TLR4: variants seen among roughly 807,000 people sequenced by gnomAD.
The protein encoded by TLR4 is toll like receptor 4, also known as toll-like receptor 4.
TLR4 carries 17 observed loss-of-function variants against 27.4 expected under a neutral mutation model. The observed-to-expected ratio is 0.62, with a 90% CI of 0.42 to 0.93. TLR4 has a LOEUF of 0.93. Ranked by LOEUF, TLR4 falls within the 40% of genes least tolerant of loss-of-function variation. The pLI is 0.00. For missense variants in TLR4, 926 were observed against 962.3 expected, an observed-to-expected ratio of 0.96 and a Z score of 0.50; for synonymous variants, 363 against 365.7, an observed-to-expected ratio of 0.99 and a Z score of 0.08.
intron 1 of TLR4, 57 bp downstream of exon 1, chr9:117,704,622 C>A: frequency 1.4e-6 from 2 of 1,432,352 alleles, no homozygotes; most frequent in South Asian, 2.3e-5. Context: ...CAGAACTTCT[C>A]ACTGTGTGCC....
rs774383090 is a variant in TLR4 at position 117,713,054 on chromosome 9, A to G, written c.926A>G (p.Asn309Ser). ...DIIDLFNCLTNVSSFSLVSVT... is the reference protein window; with the variant it reads ...DIIDLFNCLTSVSSFSLVSVT... ...ATTGACTTATTTAATTGTTTGACAA[A>G]TGTTTCTTCATTTTCCCTGGTGAGT... is the stretch of plus-strand genomic sequence containing the variant. The change falls in exon 3 of 3, where the codon AAT (asparagine) becomes AGT (serine). Residue 309 changes from asparagine (N) to serine (S), a missense_variant. Asn to Ser is a conservative substitution (Grantham distance 46). Transcript: ENST00000355622. The G allele has an allele frequency of 2.5e-6, 4 of 1,614,006 alleles. No homozygotes were observed. Among genetic ancestry groups the G allele is most frequent in the Non-Finnish European group, 3.4e-6 (4 of 1,179,938 alleles).
At position 117,712,959 on chromosome 9, in the gene TLR4, A is replaced by G. The variant is rs764967270; in HGVS notation, c.831A>G (p.Leu277=). The G allele has an allele frequency of 6.2e-7, 1 of 1,614,032 alleles. No individual in the cohort carries two copies. The highest frequency in any genetic ancestry group is 1.3e-5 in the African/African-American group (1 of 74,944). ...GNLEKFDKSA[L]EGLCNLTIEE... ...TGGAAAAGTTTGACAAATCTGCTCT[A>G]GAGGGCCTGTGCAATTTGACCATTG... Residue 277 remains leucine, a synonymous_variant, in exon 3 of 3, where the codon CTA becomes CTG. Transcript: ENST00000355622.
At position 117,724,618 on chromosome 9, in the gene TLR4, T is replaced by G. The variant is rs1829457964; in HGVS notation, c.*9970T>G. ...ATCAGACAGATCTGTGTTCTGATCC[T>G]GTCTTATGGTATCTGTCTTGTTTGT... On this transcript the variant is annotated 3_prime_UTR_variant, in exon 3 of 3. Transcript: ENST00000355622. 6.6e-6 allele frequency: 1 copy of G among 152,196 alleles called. No homozygotes were observed. Among genetic ancestry groups the G allele is most frequent in the Non-Finnish European group, 1.5e-5 (1 of 68,046 alleles). 9.4% of individuals were successfully genotyped at this position (152,196 alleles called of 1,614,324 possible).
In TLR4 at chr9:117,713,963, C is replaced by T. The variant is rs1564266612; in HGVS notation, c.1835C>T (p.Pro612Leu). The change falls in exon 3 of 3, where the codon CCT becomes CTT. Residue 612 changes from proline to leucine, a missense_variant. Coordinates refer to ENST00000355622, the MANE Select transcript of TLR4 (RefSeq NM_138554.5). ...VEVERMECAT[P>L]SDKQGMPVLS... is the part of the protein sequence containing the mutation. ...GTTGAACGAATGGAATGTGCAACAC[C>T]TTCAGATAAGCAGGGCATGCCTGTG... The T allele has an allele frequency of 1.2e-6, 2 of 1,613,996 alleles. No individual in the cohort carries two copies. The highest frequency in any genetic ancestry group is 1.7e-6 in the Non-Finnish European group (2 of 1,180,000).
chr9:117,704,802 G>C (rs895232973), intron 1 of TLR4, among the ~76,000 whole-genome samples: 1 of 152,158 alleles, frequency 6.6e-6, no homozygotes, highest in Non-Finnish European at 1.5e-5. Context: ...ACATAGATCT[G>C]CTTAAGGTCC....
At position 117,713,012 on chromosome 9, in the gene TLR4, A is replaced by G. The variant is rs1486520606; in HGVS notation, c.884A>G (p.Tyr295Cys). 5.6e-6 allele frequency: 9 copies of G among 1,613,952 alleles called. No individual in the cohort carries two copies. The African/African-American group carries it at 9.3e-5, about 17-fold the overall frequency. Residue 295 changes from tyrosine (Y) to cysteine (C), a missense_variant, in exon 3 of 3, where the codon TAC becomes TGC. By Grantham distance (194) the Tyr-to-Cys change is radical. Transcript: ENST00000355622. The stretch of plus-strand genomic sequence containing the variant: ...GAATTCCGATTAGCATACTTAGACT[A>G]CTACCTCGATGATATTATTGACTTA... ...IEEFRLAYLD[Y>C]YLDDIIDLFN...
Position 117,713,219 on chromosome 9 carries a change from G to A in TLR4, c.1091G>A (p.Gly364Glu). The A allele has an allele frequency of 1.9e-6, 3 of 1,613,900 alleles. No individual in the cohort carries two copies. Among genetic ancestry groups the A allele is most frequent in the East Asian group, 2.2e-5 (1 of 44,842 alleles). The change falls in exon 3 of 3, where the codon GGG (glycine) becomes GAG (glutamate). Residue 364 changes from glycine (G) to glutamate (E), a missense_variant. By Grantham distance (98) the Gly-to-Glu change is moderately conservative. Transcript: ENST00000355622. ...CTTACTTTCACTTCCAACAAAGGTGGGAATGCTTTTTCAGAAGTTGATCTA... is the reference window on the plus strand; with the variant it reads ...CTTACTTTCACTTCCAACAAAGGTGAGAATGCTTTTTCAGAAGTTGATCTA... ...KRLTFTSNKG[G>E]NAFSEVDLPS...
chr9:117,708,825 C>T (rs1314645530), intron 2 of TLR4, 96 bp downstream of exon 2: 11 of 1,436,288 alleles, frequency 7.7e-6, no homozygotes, highest in Non-Finnish European at 1.1e-5. Flanking sequence ...GGAGTCTCAT[C>T]TTCATTCACT....
At position 117,712,660 on chromosome 9, in the gene TLR4, G is replaced by C; in HGVS notation, c.532G>C (p.Glu178Gln). ...PEYFSNLTNL[E>Q]HLDLSSNKIQ... Reference sequence around the variant, plus strand: ...GTATTTTTCTAATCTGACCAATCTAGAGCACTTGGACCTTTCCAGCAACAA... The same window carrying C: ...GTATTTTTCTAATCTGACCAATCTACAGCACTTGGACCTTTCCAGCAACAA... The change falls in exon 3 of 3, where the codon GAG becomes CAG. Residue 178 changes from glutamate (E) to glutamine (Q), a missense_variant. Transcript: ENST00000355622. 6.2e-7 allele frequency: 1 copy of C among 1,613,574 alleles called. No homozygotes were observed. Among genetic ancestry groups the C allele is most frequent in the Non-Finnish European group, 8.5e-7 (1 of 1,179,986 alleles).
chr9:117,714,568 G>A lies in TLR4; in HGVS notation c.2440G>A (p.Ala814Thr), dbSNP rs55751501. 2.4e-5 allele frequency: 39 copies of A among 1,613,910 alleles called. No homozygotes were observed. The East Asian group carries it at 8.2e-4, about 34-fold the overall frequency. The change falls in exon 3 of 3, where the codon GCC (alanine) becomes ACC (threonine). Residue 814 changes from alanine (A) to threonine (T), a missense_variant. Coordinates refer to ENST00000355622, the MANE Select transcript of TLR4 (RefSeq NM_138554.5). ...CATCTTCTGGAGACGACTCAGAAAA[G>A]CCCTGCTGGATGGTAAATCATGGAA... is the stretch of plus-strand genomic sequence containing the variant. ...RHIFWRRLRK[A>T]LLDGKSWNPE...
intron 1 of TLR4, among the ~76,000 whole-genome samples, chr9:117,704,847 A>G (rs1293052614): frequency 2.6e-5 from 4 of 152,320 alleles, no homozygotes; most frequent in South Asian, 2.1e-4. Context: ...TGAAGAAATT[A>G]TCAAACCTGT....
At chr9:117,704,651 C>CAA (rs5900307) in intron 1 of TLR4, 86 bp downstream of exon 1, 30,980 of 818,764 alleles carry the variant, frequency 0.038, 161 homozygotes, top group Middle Eastern at 0.045. Flanking sequence ...TTTATTTTTG[C>CAA]AAAAAAAAAA....
chr9:117,718,007 A>G lies in TLR4; in HGVS notation c.*3359A>G, dbSNP rs1814207363. ...GTGGAATAAGGATAAATTAATGCCA[A>G]TTGTAATGCCTTAAATTTGTGTGAT... On this transcript the variant is annotated 3_prime_UTR_variant, in exon 3 of 3. Coordinates refer to ENST00000355622, the MANE Select transcript of TLR4 (RefSeq NM_138554.5). 6.6e-6 allele frequency: 1 copy of G among 152,212 alleles called. No individual in the cohort carries two copies. The highest frequency in any genetic ancestry group is 6.5e-5 in the Admixed American group (1 of 15,288). 9.4% of individuals were successfully genotyped at this position (152,212 alleles called of 1,614,324 possible). A position where few individuals can be genotyped will look rare whatever the true frequency, so the allele number is the denominator to read the frequency against.
chr9:117,707,594 G>T (rs1564263086), intron 1 of TLR4, among the ~76,000 whole-genome samples: 1 of 152,202 alleles, frequency 6.6e-6, no homozygotes, highest in African/African-American at 2.4e-5. Flanking sequence ...TCAGAAATTA[G>T]ATGGGAGCGT....
At chr9:117,707,408 G>A (rs1415042749) in intron 1 of TLR4, among the ~76,000 whole-genome samples, 1 of 152,178 alleles carries the variant, frequency 6.6e-6, no homozygotes, top group Non-Finnish European at 1.5e-5. Context: ...ATTAATGATA[G>A]ATGATAATAA....
Position 117,723,848 on chromosome 9 carries a change from A to G in TLR4, c.*9200A>G, listed in dbSNP as rs2131182822. Reference sequence around the variant, plus strand: ...TTGCAATTATTCTTTCTTCTTTCCCATACTTGACATTTAAAGTGATATCTC... The same window carrying G: ...TTGCAATTATTCTTTCTTCTTTCCCGTACTTGACATTTAAAGTGATATCTC... On this transcript the variant is annotated 3_prime_UTR_variant, in exon 3 of 3. Transcript: ENST00000355622. The G allele has an allele frequency of 1.3e-5, 2 of 152,258 alleles. No homozygotes were observed. Among genetic ancestry groups the G allele is most frequent in the South Asian group, 4.1e-4 (2 of 4,826 alleles). The allele number at this position is 152,258 out of a possible 1,614,324, so 9.4% of individuals were successfully genotyped here. A position where few individuals can be genotyped will look rare whatever the true frequency, so the allele number is the denominator to read the frequency against.
Position 117,713,669 on chromosome 9 carries a change from C to G in TLR4, c.1541C>G (p.Thr514Arg), listed in dbSNP as rs1465768849. 6.2e-7 allele frequency: 1 copy of G among 1,614,062 alleles called. No individual in the cohort carries two copies. The highest frequency in any genetic ancestry group is 8.5e-7 in the Non-Finnish European group (1 of 1,180,030). ...TGTCAACTGGAGCAGTTGTCTCCAA[C>G]AGCATTTAACTCACTCTCCAGTCTT... ...SQCQLEQLSP[T>R]AFNSLSSLQV... Residue 514 changes from threonine (T) to arginine (R), a missense_variant, in exon 3 of 3, where the codon ACA (threonine) becomes AGA (arginine). Thr to Arg is a moderately conservative substitution (Grantham distance 71). Transcript: ENST00000355622.
At position 117,717,659 on chromosome 9, in the gene TLR4, C is replaced by T. The variant is rs192711369; in HGVS notation, c.*3011C>T. 4.6e-5 allele frequency: 7 copies of T among 152,110 alleles called. No homozygotes were observed. Among genetic ancestry groups the T allele is most frequent in the African/African-American group, 1.4e-4 (6 of 41,510 alleles). 9.4% of individuals were successfully genotyped at this position (152,110 alleles called of 1,614,324 possible). On this transcript the variant is annotated 3_prime_UTR_variant, in exon 3 of 3. Coordinates refer to ENST00000355622, the MANE Select transcript of TLR4 (RefSeq NM_138554.5). Reference sequence around the variant, plus strand: ...GAAAATGTATGATTTTGTGTATATCCGTGCTACATGTAAGTGTGGTTCTAT... The same window carrying T: ...GAAAATGTATGATTTTGTGTATATCTGTGCTACATGTAAGTGTGGTTCTAT...
intron 2 of TLR4, among the ~76,000 whole-genome samples, chr9:117,709,595 C>T (rs191964436): frequency 2.6e-5 from 4 of 151,960 alleles, no homozygotes; most frequent in Non-Finnish European, 5.9e-5. Flanking sequence ...ATTTGCAAAT[C>T]GAACTAGATA....
Sources: gnomAD v4.1 joint callset for allele counts (sites outside exome capture counted in the v4.1 genomes callset) on GRCh38, gnomAD v4.1.1 for gene constraint, MANE v1.5 for transcripts, NCBI Gene and HGNC (gene_info 2026-07-23, HGNC 2026-07-21) for gene names.